KSR1: variants seen among roughly 807,000 people sequenced by gnomAD.
KSR1 encodes kinase suppressor of ras 1, also known as kinase suppressor of ras.
A neutral mutation model predicts 92.9 loss-of-function variants in KSR1; 35 were observed. The ratio of observed to expected loss-of-function variants is 0.38; its 90% confidence interval spans 0.29 to 0.50. KSR1 has a LOEUF of 0.50. KSR1 is among the 20% of genes least tolerant of loss of function. The probability of loss-of-function intolerance (pLI) is 0.94; values close to 1 mark genes in which losing one functional copy is unlikely to be tolerated. For synonymous variants in KSR1, 467 were observed against 472.6 expected (o/e 0.99, Z 0.15); for missense variants, 972 against 1,158.5 (o/e 0.84, Z 2.34).
intron 1 of KSR1, among the ~76,000 whole-genome samples, chr17:27,547,870 G>A (rs2071238294): frequency 6.6e-6 from 1 of 152,018 alleles, no homozygotes; most frequent in Non-Finnish European, 1.5e-5. Context: ...GTGCCACCAT[G>A]CCTGGCTAAT....
At chr17:27,549,437 G>A (rs1205718811) in intron 1 of KSR1, among the ~76,000 whole-genome samples, 1 of 152,162 alleles carries the variant, frequency 6.6e-6, no homozygotes, top group African/African-American at 2.4e-5. Context: ...ATCAGAACTG[G>A]GCCATGCCCT....
At chr17:27,544,585 A>G (rs2071091639) in intron 1 of KSR1, among the ~76,000 whole-genome samples, 1 of 152,218 alleles carries the variant, frequency 6.6e-6, no homozygotes, top group Non-Finnish European at 1.5e-5. Context: ...CCCACAGTAC[A>G]TTCTTGAAGC....
rs555739582 is a variant in KSR1 at position 27,582,455 on chromosome 17, A to G, written c.521-191A>G. The stretch of plus-strand genomic sequence containing the variant: ...TGGTAGTATCTGCGCCGAGGGCCTC[A>G]TGGTTGGCTAGATAATGTGTGCGCA... On this transcript the variant is annotated intron_variant, in intron 3 of 20. Coordinates refer to ENST00000644974, the MANE Select transcript of KSR1 (RefSeq NM_001394583.1). Among the ~76,000 whole-genome samples, 4 of 152,218 alleles carry G rather than the reference A, an allele frequency of 2.6e-5. No homozygotes were observed. In the South Asian group the frequency reaches 8.3e-4, roughly 32 times the overall value.
chr17:27,461,984 A>C (rs2019473026), intron 1 of KSR1, among the ~76,000 whole-genome samples: 2 of 140,088 alleles, frequency 1.4e-5, no homozygotes, highest in Admixed American at 7.1e-5. Flanking sequence ...CCTTTTTAAA[A>C]GGCCATCCTT....
chr17:27,487,156 C>A (rs193065194), intron 1 of KSR1, among the ~76,000 whole-genome samples: 1 of 152,152 alleles, frequency 6.6e-6, no homozygotes, highest in Non-Finnish European at 1.5e-5. Context: ...GGTTTGTGGC[C>A]GGGCGCGATG....
chr17:27,613,912 C>G (rs551596403), intron 18 of KSR1, among the ~76,000 whole-genome samples: 2 of 152,190 alleles, frequency 1.3e-5, no homozygotes, highest in South Asian at 2.1e-4. Context: ...CAAGTGATCT[C>G]CCGCCTCAGC....
chr17:27,478,905 C>T (rs1048549655), intron 1 of KSR1, among the ~76,000 whole-genome samples: 4 of 152,126 alleles, frequency 2.6e-5, no homozygotes, highest in Admixed American at 6.5e-5. Flanking sequence ...AAGCATGTGG[C>T]GGGTGGACTT....
Position 27,527,561 on chromosome 17 carries a change from A to T in KSR1, c.232-23007A>T, listed in dbSNP as rs190514558. ...CAGGCACCAGCCACCAAGCCTGGCT[A>T]ATTTTTGTATTTTAGTAGAGATGGG... is the stretch of plus-strand genomic sequence containing the variant. On this transcript the variant is annotated intron_variant, in intron 1 of 20. Coordinates refer to ENST00000644974, the MANE Select transcript of KSR1 (RefSeq NM_001394583.1). 2.0e-5 allele frequency among the ~76,000 whole-genome samples: 3 copies of T among 152,184 alleles called. No homozygotes were observed. The East Asian group carries it at 5.8e-4, about 29-fold the overall frequency.
At chr17:27,611,838 CCCACTGCT>C (rs1001237552) in intron 18 of KSR1, among the ~76,000 whole-genome samples, 1 of 152,066 alleles carries the variant, frequency 6.6e-6, no homozygotes, top group African/African-American at 2.4e-5. Flanking sequence ...CTATCCTCAC[CCCACTGCT>C]CACCCTTTTC....
chr17:27,558,456 T>C (rs1274657174), intron 2 of KSR1, among the ~76,000 whole-genome samples: 1 of 152,064 alleles, frequency 6.6e-6, no homozygotes, highest in African/African-American at 2.4e-5. Flanking sequence ...ACCCACCTGC[T>C]CACATACATG....
At chr17:27,490,592 TC>T (rs1309446462) in intron 1 of KSR1, among the ~76,000 whole-genome samples, 2 of 152,174 alleles carry the variant, frequency 1.3e-5, no homozygotes, top group East Asian at 1.9e-4. Context: ...TGGGGGGTCT[TC>T]CTGCTGGCTT....
At chr17:27,611,728 G>T (rs1191044739) in intron 18 of KSR1, 99 bp downstream of exon 18, 2 of 1,435,896 alleles carry the variant, frequency 1.4e-6, no homozygotes, top group East Asian at 4.6e-5. Flanking sequence ...AATGGGGTCG[G>T]TGAGGAGCTC....
chr17:27,557,580 T>G (rs543449523), intron 2 of KSR1, among the ~76,000 whole-genome samples: 155 of 152,282 alleles, frequency 1.0e-3, no homozygotes, highest in Admixed American at 2.2e-3. Context: ...TATCTGCCTT[T>G]TACACAATGT....
chr17:27,566,024 T>C (rs1269907551), intron 2 of KSR1, among the ~76,000 whole-genome samples: 1 of 152,148 alleles, frequency 6.6e-6, no homozygotes, highest in Admixed American at 6.5e-5. Flanking sequence ...TTGGTCTCCA[T>C]ACCACTCACC....
At chr17:27,489,207 C>T (rs918073056) in intron 1 of KSR1, among the ~76,000 whole-genome samples, 2 of 152,214 alleles carry the variant, frequency 1.3e-5, no homozygotes, top group African/African-American at 4.8e-5. Flanking sequence ...CTCATTGGAT[C>T]CTCAGCTGGG....
At chr17:27,590,491 AAATTCCTAAG>A (rs1193050355) in intron 6 of KSR1, among the ~76,000 whole-genome samples, 2 of 152,232 alleles carry the variant, frequency 1.3e-5, no homozygotes, top group Non-Finnish European at 1.5e-5. Flanking sequence ...TGTGTTGGAT[AAATTCCTAAG>A]AATTCCTAAG....
rs573070729 is a variant in KSR1 at position 27,609,406 on chromosome 17, A to G, written c.2225+77A>G. ...GCAGGGCTGAGGTCTGGGCACTTTC[A>G]CTGTTTGTTGCTGAGCTGCAGCCCT... On this transcript the variant is annotated intron_variant, in intron 16 of 20. Transcript: ENST00000644974. 6 of 1,573,672 alleles carry G rather than the reference A, an allele frequency of 3.8e-6. No homozygotes were observed. The East Asian group carries it at 1.1e-4, about 30-fold the overall frequency.
At chr17:27,598,955 A>C (rs1314230671) in intron 10 of KSR1, among the ~76,000 whole-genome samples, 1 of 152,122 alleles carries the variant, frequency 6.6e-6, no homozygotes, top group Non-Finnish European at 1.5e-5. Flanking sequence ...GGGGCATTGC[A>C]CTTGAACTTC....
At chr17:27,522,908 C>A (rs545862671) in intron 1 of KSR1, among the ~76,000 whole-genome samples, 1 of 152,258 alleles carries the variant, frequency 6.6e-6, no homozygotes, top group African/African-American at 2.4e-5. Flanking sequence ...TGTGTTTCTG[C>A]TGTAGCTAGT....
Sources: allele counts gnomAD v4.1 joint callset (sites outside exome capture counted in the v4.1 genomes callset), GRCh38; gene constraint gnomAD v4.1.1; transcripts MANE v1.5; gene names NCBI Gene and HGNC (gene_info 2026-07-23, HGNC 2026-07-21).